The following SLC7A14 variants were observed in gnomAD, a reference collection of about 807,000 sequenced individuals.
SLC7A14 encodes the protein solute carrier family 7 member 14.
In SLC7A14, 37 loss-of-function variants were observed where a neutral mutation model predicts 60.2. That is an observed-to-expected ratio of 0.61 (90% CI 0.47 to 0.81). The LOEUF (loss-of-function observed/expected upper bound fraction) is 0.81. SLC7A14 is among the 30% of genes least tolerant of loss of function. The probability of loss-of-function intolerance (pLI) is 0.00; values close to 1 mark genes in which losing one functional copy is unlikely to be tolerated. For synonymous variants in SLC7A14, 399 were observed against 395.8 expected, an observed-to-expected ratio of 1.01 and a Z score of -0.10; for missense variants, 886 against 982.7, an observed-to-expected ratio of 0.90 and a Z score of 1.32.
chr3:170,493,955 A>G (rs55788914), intron 4 of SLC7A14, among the ~76,000 whole-genome samples: 2,891 of 152,334 alleles, frequency 0.019, 95 homozygotes, highest in African/African-American at 0.065. Flanking sequence ...ATGGAATTGC[A>G]GCAAAACATT....
At chr3:170,560,676 G>C (rs1157827695) in intron 1 of SLC7A14, among the ~76,000 whole-genome samples, 1 of 152,128 alleles carries the variant, frequency 6.6e-6, no homozygotes, top group Non-Finnish European at 1.5e-5. Flanking sequence ...CAAGGTTTTG[G>C]TTCATGGAAA....
chr3:170,526,940 G>T lies in SLC7A14; in HGVS notation c.-4C>A. Reference sequence around the variant, plus strand: ...GCGAGGTGAAGAAGCCACTCATCTTGAGCGATAGGGGATGCAGTGAAGGTC... The same window carrying T: ...GCGAGGTGAAGAAGCCACTCATCTTTAGCGATAGGGGATGCAGTGAAGGTC... On this transcript the variant is annotated 5_prime_UTR_variant, in exon 2 of 8. Coordinates refer to ENST00000231706, the MANE Select transcript of SLC7A14 (RefSeq NM_020949.3). 2 of 1,610,830 alleles carry T rather than the reference G, an allele frequency of 1.2e-6. No individual in the cohort carries two copies. The highest frequency in any genetic ancestry group is 1.7e-6 in the Non-Finnish European group (2 of 1,178,560).
At chr3:170,562,428 A>T (rs1187192227) in intron 1 of SLC7A14, among the ~76,000 whole-genome samples, 1 of 150,908 alleles carries the variant, frequency 6.6e-6, no homozygotes, top group East Asian at 2.0e-4. Flanking sequence ...CTCATAAGTG[A>T]GACCTAAGCT....
At chr3:170,510,697 G>A (rs1429199591) in intron 2 of SLC7A14, among the ~76,000 whole-genome samples, 1 of 152,196 alleles carries the variant, frequency 6.6e-6, no homozygotes, top group Non-Finnish European at 1.5e-5. Context: ...TGTGCCCCAA[G>A]CCAATCTTCT....
rs1239960353 is a variant in SLC7A14 at position 170,577,588 on chromosome 3, G to A, written c.-153+8323C>T. On this transcript the variant is annotated intron_variant, in intron 1 of 7. Coordinates refer to ENST00000231706, the MANE Select transcript of SLC7A14 (RefSeq NM_020949.3). ...AGCCGAGATTGCGCCACTGCAGTCC[G>A]CAGTCCGGCCTGGGCGACAGAGCGA... Among the ~76,000 whole-genome samples the A allele has an allele frequency of 2.9e-5, 4 of 139,490 alleles. No homozygotes were observed. In the South Asian group the frequency reaches 6.9e-4, roughly 24 times the overall value. 91.5% of individuals were successfully genotyped at this position (139,490 alleles called of 152,430 possible). A position where few individuals can be genotyped will look rare whatever the true frequency, so the allele number is the denominator to read the frequency against.
chr3:170,549,160 G>A (rs373305414), intron 1 of SLC7A14, among the ~76,000 whole-genome samples: 219 of 151,840 alleles, frequency 1.4e-3, no homozygotes, highest in African/African-American at 5.0e-3. Flanking sequence ...GAGAGAGAAA[G>A]TGACTAGTTC....
chr3:170,475,885 G>A (rs1362989099), intron 7 of SLC7A14, among the ~76,000 whole-genome samples: 3 of 151,976 alleles, frequency 2.0e-5, no homozygotes, highest in Admixed American at 1.3e-4. Flanking sequence ...GCTAATTTTT[G>A]TATTTTTAGT....
chr3:170,545,776 T>C (rs1461558448), intron 1 of SLC7A14, among the ~76,000 whole-genome samples: 1 of 152,244 alleles, frequency 6.6e-6, no homozygotes, highest in African/African-American at 2.4e-5. Flanking sequence ...TTAGCTGATA[T>C]TATTATTAAA....
At chr3:170,580,005 T>A (rs1395817840) in intron 1 of SLC7A14, among the ~76,000 whole-genome samples, 1 of 152,112 alleles carries the variant, frequency 6.6e-6, no homozygotes, top group East Asian at 1.9e-4. Context: ...GCTAGAAGTG[T>A]GGTTATTAGG....
chr3:170,486,474 C>CTTTTTTAA, intron 4 of SLC7A14, 106 bp from the exon 5 acceptor site: 1 of 1,419,830 alleles, frequency 7.0e-7, no homozygotes, highest in Non-Finnish European at 9.8e-7. Context: ...GACTGAGTGG[C>CTTTTTTAA]TGAGGGAGTA....
rs1215866527 is a variant in SLC7A14 at position 170,535,233 on chromosome 3, T to C, written c.-152-8145A>G. ...TCTGCTTGGTGTCATGTGTTATTCA[T>C]TGTATATAAGATAATATTAACAAAA... is the stretch of plus-strand genomic sequence containing the variant. On this transcript the variant is annotated intron_variant, in intron 1 of 7. Transcript: ENST00000231706. The surrounding 1 kb of genome is among the most constrained non-coding windows in gnomAD (Gnocchi z 4.3). Among the ~76,000 whole-genome samples the C allele has an allele frequency of 6.6e-6, 1 of 151,912 alleles. No individual in the cohort carries two copies. The highest frequency in any genetic ancestry group is 6.6e-5 in the Admixed American group (1 of 15,242).
intron 1 of SLC7A14, among the ~76,000 whole-genome samples, chr3:170,572,786 T>TTCCTC (rs1470011146): frequency 5.9e-5 from 9 of 152,230 alleles, no homozygotes; most frequent in African/African-American, 2.2e-4. Context: ...AGATATTTTC[T>TTCCTC]TCCTCTGCAT....
intron 1 of SLC7A14, among the ~76,000 whole-genome samples, chr3:170,534,746 A>C (rs1295133268): frequency 6.6e-6 from 1 of 152,296 alleles, no homozygotes; most frequent in East Asian, 1.9e-4. Context: ...AAATAAAGAG[A>C]AACCTGTTTA....
chr3:170,497,605 T>A (rs1210542293), intron 4 of SLC7A14, among the ~76,000 whole-genome samples: 2 of 152,202 alleles, frequency 1.3e-5, no homozygotes, highest in Non-Finnish European at 2.9e-5. Flanking sequence ...CCTTAGGTTG[T>A]TCATCTGTTA....
chr3:170,485,012 G>T (rs371083171), intron 5 of SLC7A14, among the ~76,000 whole-genome samples: 1 of 152,044 alleles, frequency 6.6e-6, no homozygotes, highest in South Asian at 2.1e-4. Flanking sequence ...TGTGTGATAA[G>T]GGCCCACTCC....
rs201596014 is a variant in SLC7A14 at position 170,498,667 on chromosome 3, C to T, written c.759G>A (p.Gly253=). ...CACCAGGTGTTTGGAACAAACTTACCCCTGACCAGCCGTGGGGCAAGAACT... is the reference window on the plus strand; with the variant it reads ...CACCAGGTGTTTGGAACAAACTTACTCCTGACCAGCCGTGGGGCAAGAACT... ...EGQFLPHGWS[G]VLQGAATCFY... Residue 253 remains glycine (G), a splice_region_variant and synonymous_variant, in exon 4 of 8, where the codon GGG becomes GGA. Transcript: ENST00000231706. 27 of 1,613,826 alleles carry T rather than the reference C, an allele frequency of 1.7e-5. No individual in the cohort carries two copies. Among genetic ancestry groups the T allele is most frequent in the Non-Finnish European group, 2.1e-5 (25 of 1,179,968 alleles).
At position 170,467,120 on chromosome 3, in the gene SLC7A14, T is replaced by A. The variant is rs1739737205; in HGVS notation, c.2251A>T (p.Ser751Cys). Reference protein sequence around the residue: ...GRTSSKAKSKSKHKQNSEALI... With the variant: ...GRTSSKAKSKCKHKQNSEALI... Reference sequence around the variant, plus strand: ...GCCTCTGAGTTCTGTTTGTGTTTGCTTTTGCTCTTCGCTTTGCTACTTGTC... The same window carrying A: ...GCCTCTGAGTTCTGTTTGTGTTTGCATTTGCTCTTCGCTTTGCTACTTGTC... The change falls in exon 8 of 8, where the codon AGC becomes TGC. Residue 751 changes from serine to cysteine, a missense_variant. Ser to Cys is a moderately radical substitution (Grantham distance 112, BLOSUM62 -1). Coordinates refer to ENST00000231706, the MANE Select transcript of SLC7A14 (RefSeq NM_020949.3). 1 of 1,613,800 alleles carries A rather than the reference T, an allele frequency of 6.2e-7. No individual in the cohort carries two copies. Among genetic ancestry groups the A allele is most frequent in the African/African-American group, 1.3e-5 (1 of 75,074 alleles).
chr3:170,575,065 A>G (rs147634828), intron 1 of SLC7A14, among the ~76,000 whole-genome samples: 3 of 152,360 alleles, frequency 2.0e-5, no homozygotes, highest in African/African-American at 7.2e-5. Context: ...CAGAGACTAG[A>G]TTAATTTGGC....
chr3:170,483,645 T>C, intron 5 of SLC7A14, 123 bp from the exon 6 acceptor site: 2 of 993,712 alleles, frequency 2.0e-6, no homozygotes, highest in South Asian at 1.5e-5. Context: ...TTTGGATCCA[T>C]TCACTTGCTG....
Sources: gnomAD v4.1 joint callset for allele counts (sites outside exome capture counted in the v4.1 genomes callset) on GRCh38, gnomAD v4.1.1 for gene constraint, Gnocchi (gnomAD v3.1) non-coding constraint, MANE v1.5 for transcripts, NCBI Gene and HGNC (gene_info 2026-07-23, HGNC 2026-07-21) for gene names.